The following SNX24 variants were observed in gnomAD, a reference collection of about 807,000 sequenced individuals.
SNX24 encodes sorting nexin 24, also known as sorting nexin-24.
A neutral mutation model predicts 28.7 loss-of-function variants in SNX24; 22 were observed. The ratio of observed to expected loss-of-function variants is 0.77; its 90% CI spans 0.55 to 1.10. The LOEUF (loss-of-function observed/expected upper bound fraction) is 1.10. Among genes scored for constraint, SNX24 ranks in the 50% least tolerant of loss-of-function variants. The pLI, the probability that SNX24 is intolerant of heterozygous loss-of-function variation, is 0.00. For synonymous variants in SNX24, 69 were observed against 71.5 expected, an observed-to-expected ratio of 0.96 and a Z score of 0.18; for missense variants, 221 against 201.1, an observed-to-expected ratio of 1.10 and a Z score of -0.60.
chr5:122,858,191 A>G (rs1174574964), intron 1 of SNX24, among the ~76,000 whole-genome samples: 1 of 152,236 alleles, frequency 6.6e-6, no homozygotes, highest in Non-Finnish European at 1.5e-5. Context: ...CTCCAAAACA[A>G]TTACAGTAGT....
chr5:122,845,754 G>A (rs953450701), intron 1 of SNX24, 61 bp downstream of exon 1: 13 of 1,083,212 alleles, frequency 1.2e-5, no homozygotes, highest in Non-Finnish European at 1.5e-5. Context: ...GCTGCGCCCA[G>A]GAAACACCCT....
intron 1 of SNX24, among the ~76,000 whole-genome samples, chr5:122,851,067 T>A (rs1754895980): frequency 1.3e-5 from 2 of 152,190 alleles, no homozygotes; most frequent in Non-Finnish European, 2.9e-5. Context: ...GCTTGTAGTT[T>A]GAATTTTAAG....
chr5:122,931,628 A>G (rs1758962094), intron 1 of SNX24, among the ~76,000 whole-genome samples: 1 of 152,086 alleles, frequency 6.6e-6, no homozygotes, highest in South Asian at 2.1e-4. Flanking sequence ...GTATATGTAT[A>G]TATATTTATG....
rs77600894 is a variant in SNX24, at chr5:122,963,517, A to G, written c.249+17358A>G. Among the ~76,000 whole-genome samples, 183 of 152,338 alleles carry G rather than the reference A, an allele frequency of 1.2e-3. 1 individual carries two copies. The East Asian group carries it at 0.027, about 22-fold the overall frequency. ...AAAACATAATCCCTGAGTTGGCATT[A>G]TATTTCTGTGAATATTAGTCCTTTT... On this transcript the variant is annotated intron_variant, in intron 3 of 6. Coordinates refer to ENST00000261369, the MANE Select transcript of SNX24 (RefSeq NM_014035.4).
intron 3 of SNX24, among the ~76,000 whole-genome samples, chr5:122,985,957 A>G (rs987307193): frequency 6.6e-6 from 1 of 152,184 alleles, no homozygotes; most frequent in Non-Finnish European, 1.5e-5. Context: ...AAACCTATCA[A>G]GGAAATAATT....
intron 1 of SNX24, among the ~76,000 whole-genome samples, chr5:122,855,179 C>T (rs1259092047): frequency 6.6e-6 from 1 of 152,010 alleles, no homozygotes; most frequent in Non-Finnish European, 1.5e-5. Flanking sequence ...TCCACAATTT[C>T]TCCTGCCTCA....
chr5:122,919,428 A>G (rs904613195), intron 1 of SNX24, among the ~76,000 whole-genome samples: 14 of 152,218 alleles, frequency 9.2e-5, no homozygotes, highest in African/African-American at 3.4e-4. Flanking sequence ...AAGTGGGAAT[A>G]TCTTTGAATT....
In SNX24 at chr5:123,007,948, G is replaced by T. The variant is rs900563030; in HGVS notation, c.*199G>T. On this transcript the variant is annotated 3_prime_UTR_variant, in exon 7 of 7. Coordinates refer to ENST00000261369, the MANE Select transcript of SNX24 (RefSeq NM_014035.4). ...AAAATAGAAACTGAACCGGGGCGGT[G>T]GTCAGGCTAAGGCCAAGTGTTTAAG... The T allele has an allele frequency of 1.5e-6, 2 of 1,350,340 alleles. No homozygotes were observed. Among genetic ancestry groups the T allele is most frequent in the Non-Finnish European group, 1.9e-6 (2 of 1,047,462 alleles). 83.6% of individuals were successfully genotyped at this position (1,350,340 alleles called of 1,614,324 possible).
intron 6 of SNX24, among the ~76,000 whole-genome samples, chr5:123,003,430 T>C (rs915867510): frequency 6.6e-6 from 1 of 152,248 alleles, no homozygotes; most frequent in Non-Finnish European, 1.5e-5. Flanking sequence ...ATATTCATAA[T>C]GCAATCTAAT....
chr5:122,863,261 G>C (rs531257140), intron 1 of SNX24, among the ~76,000 whole-genome samples: 2 of 152,258 alleles, frequency 1.3e-5, no homozygotes, highest in East Asian at 3.9e-4. Flanking sequence ...AAGGAGGTGA[G>C]GGGGTGAGTC....
At position 122,882,537 on chromosome 5, in the gene SNX24, G is replaced by GC. The variant is rs923668756; in HGVS notation, c.60+36847dup. On this transcript the variant is annotated intron_variant, in intron 1 of 6. Transcript: ENST00000261369. ...GGCCTTGGCACAGCACAGAGCTCCT[G>GC]CCCTCATCTCTTTGTTCTGTGTTCT... Among the ~76,000 whole-genome samples, 8 of 152,324 alleles carry GC rather than the reference G, an allele frequency of 5.3e-5. No homozygotes were observed. The East Asian group carries it at 1.5e-3, about 29-fold the overall frequency.
chr5:123,007,325 A>G (rs1368875831), intron 6 of SNX24, among the ~76,000 whole-genome samples: 1 of 152,234 alleles, frequency 6.6e-6, no homozygotes, highest in African/African-American at 2.4e-5. Context: ...AATTCCTTCA[A>G]GTATATTGAG....
chr5:122,893,575 T>G (rs1042552228), intron 1 of SNX24, among the ~76,000 whole-genome samples: 31 of 152,346 alleles, frequency 2.0e-4, no homozygotes, highest in African/African-American at 6.7e-4. Flanking sequence ...ACACATATTT[T>G]AAATTATGAC....
intron 3 of SNX24, among the ~76,000 whole-genome samples, chr5:122,996,089 A>G (rs374198049): frequency 1.9e-4 from 29 of 152,334 alleles, no homozygotes; most frequent in East Asian, 1.3e-3. Flanking sequence ...CGGTGCAGCA[A>G]TAGATTTTGG....
intron 3 of SNX24, among the ~76,000 whole-genome samples, chr5:122,971,785 A>G (rs374683711): frequency 1.6e-4 from 24 of 152,340 alleles, no homozygotes; most frequent in African/African-American, 5.0e-4. Context: ...GCAACTGGTC[A>G]TGTGATCATA....
rs1201700522 is a variant in SNX24, at chr5:122,917,802, C to T, written c.61-18932C>T. ...AGGCACTATTTAAAATAATGCCGGC[C>T]GGGTGCGGTGGCTTACACCTGTAAT... On this transcript the variant is annotated intron_variant, in intron 1 of 6. Transcript: ENST00000261369. Among the ~76,000 whole-genome samples, 6 of 152,056 alleles carry T rather than the reference C, an allele frequency of 3.9e-5. No individual in the cohort carries two copies. The South Asian group carries it at 8.3e-4, about 21-fold the overall frequency.
At chr5:122,946,268 T>G in intron 3 of SNX24, 109 bp downstream of exon 3, 1 of 562,202 alleles carries the variant, frequency 1.8e-6, no homozygotes, top group Non-Finnish European at 3.0e-6. Flanking sequence ...CAGCCAAAGA[T>G]TCTAAATTAA....
intron 6 of SNX24, among the ~76,000 whole-genome samples, chr5:123,006,440 C>T (rs1762423181): frequency 6.6e-6 from 1 of 152,210 alleles, no homozygotes; most frequent in Non-Finnish European, 1.5e-5. Context: ...GGGCTGCCAC[C>T]ATTGCCCTCT....
chr5:122,956,159 C>A (rs1470919994), intron 3 of SNX24, among the ~76,000 whole-genome samples: 1 of 152,058 alleles, frequency 6.6e-6, no homozygotes, highest in East Asian at 1.9e-4. Context: ...AGATAAAATT[C>A]ATCACTGTGT....
Sources: gnomAD v4.1 joint callset for allele counts (sites outside exome capture counted in the v4.1 genomes callset) on GRCh38, gnomAD v4.1.1 for gene constraint, MANE v1.5 for transcripts, NCBI Gene and HGNC (gene_info 2026-07-23, HGNC 2026-07-21) for gene names.